The following PXN variants were observed in gnomAD, a reference collection of about 807,000 sequenced individuals.
PXN encodes paxillin.
A neutral mutation model predicts 103.6 loss-of-function variants in PXN; 61 were observed. That is an observed-to-expected ratio of 0.59 (90% confidence interval 0.48 to 0.73). PXN has a LOEUF of 0.73. Among genes scored for constraint, PXN ranks in the 30% least tolerant of loss-of-function variants. The probability of loss-of-function intolerance (pLI) is 0.00; values close to 1 mark genes in which losing one functional copy is unlikely to be tolerated. For missense variants in PXN, 1,274 were observed against 1,460.3 expected (o/e 0.87, Z 2.08); for synonymous variants, 562 against 607.8 (o/e 0.92, Z 1.11).
chr12:120,219,473 C>T lies in PXN; in HGVS notation c.1450G>A (p.Glu484Lys). 6.3e-7 allele frequency: 1 copy of T among 1,598,318 alleles called. No individual in the cohort carries two copies. Among genetic ancestry groups the T allele is most frequent in the South Asian group, 1.1e-5 (1 of 91,064 alleles). Residue 484 changes from glutamate (E) to lysine (K), a missense_variant, in exon 7 of 15, where the codon GAA (glutamate) becomes AAA (lysine). By Grantham distance (56) the Glu-to-Lys change is moderately conservative (BLOSUM62 1). This residue lies in a region of PXN where 1,178 missense variants were observed against 1,309.0 expected (regional missense o/e 0.90). Coordinates refer to ENST00000637617, the MANE Select transcript of PXN (RefSeq NM_001385981.1). The surrounding 1 kb of genome is among the most constrained non-coding windows in gnomAD (Gnocchi z 6.5). The stretch of plus-strand genomic sequence containing the variant: ...GGCCTCTCCTGCTGTAGGCCATGTT[C>T]CTCCGTGAGAGTCCAGGTATCTGGG... Reference protein sequence around the residue: ...IFPDTWTLTEEHGLQQERPRP... With the variant: ...IFPDTWTLTEKHGLQQERPRP...
intron 1 of PXN, among the ~76,000 whole-genome samples, chr12:120,249,460 C>T (rs1891789087): frequency 6.6e-6 from 1 of 152,268 alleles, no homozygotes; most frequent in African/African-American, 2.4e-5. Flanking sequence ...GAGCCCAAGC[C>T]AGTGGTGCCC....
rs778906052 is a variant in PXN at position 120,215,223 on chromosome 12, C to T, written c.2454G>A (p.Pro818=). ...TGSSSPPGGP[P]KPGSQLDSML... ...TGCTGTCCAGCTGGCTCCCGGGCTT[C>T]GGGGGCCCCCCAGGGGGTGAGCTGC... The change falls in exon 11 of 15, where the codon CCG becomes CCA. Residue 818 remains proline (P), a synonymous_variant. Transcript: ENST00000637617. The surrounding 1 kb of genome is among the most constrained non-coding windows in gnomAD (Gnocchi z 4.9). The T allele has an allele frequency of 1.6e-4, 259 of 1,593,508 alleles. No individual in the cohort carries two copies. The highest frequency in any genetic ancestry group is 2.1e-4 in the Non-Finnish European group (244 of 1,170,368).
chr12:120,257,064 G>A (rs1362817707), intron 1 of PXN, among the ~76,000 whole-genome samples: 2 of 152,048 alleles, frequency 1.3e-5, no homozygotes, highest in Non-Finnish European at 2.9e-5. Context: ...AGTCTCCAAG[G>A]CTCATTCAAA....
Position 120,224,936 on chromosome 12 carries a change from G to A in PXN, c.14-559C>T. Reference sequence around the variant, plus strand: ...CCTCCTGAGGCTCTAGGCTTATGGGGTAAGGTGTGCGGGGAGGTGGGGGCT... The same window carrying A: ...CCTCCTGAGGCTCTAGGCTTATGGGATAAGGTGTGCGGGGAGGTGGGGGCT... On this transcript the variant is annotated intron_variant, in intron 1 of 14. Coordinates refer to ENST00000637617, the MANE Select transcript of PXN (RefSeq NM_001385981.1). The surrounding 1 kb of genome is among the most constrained non-coding windows in gnomAD (Gnocchi z 5.0). 7 of 353,292 alleles carry A rather than the reference G, an allele frequency of 2.0e-5. 1 individual carries two copies. Among genetic ancestry groups the A allele is most frequent in the South Asian group, 1.5e-4 (7 of 47,798 alleles). 21.9% of individuals were successfully genotyped at this position (353,292 alleles called of 1,614,324 possible). A position where few individuals can be genotyped will look rare whatever the true frequency, so the allele number is the denominator to read the frequency against.
At chr12:120,235,389 A>G (rs1387451469) in intron 1 of PXN, among the ~76,000 whole-genome samples, 2 of 152,096 alleles carry the variant, frequency 1.3e-5, no homozygotes, top group Non-Finnish European at 2.9e-5. Flanking sequence ...CCAGCCTTGC[A>G]GCCCCATTTG....
At chr12:120,243,777 A>C (rs182045704) in intron 1 of PXN, among the ~76,000 whole-genome samples, 3 of 152,322 alleles carry the variant, frequency 2.0e-5, no homozygotes, top group Admixed American at 6.5e-5. Context: ...AAAGGGTTTG[A>C]GGCTCCATTC....
Position 120,214,317 on chromosome 12 carries a change from G to A in PXN, c.2749-100C>T. The A allele has an allele frequency of 2.9e-6, 3 of 1,051,798 alleles. No individual in the cohort carries two copies. Among genetic ancestry groups the A allele is most frequent in the Non-Finnish European group, 4.3e-6 (3 of 703,476 alleles). The allele number at this position is 1,051,798 out of a possible 1,614,324, so 65.2% of individuals were successfully genotyped here. On this transcript the variant is annotated intron_variant, in intron 12 of 14. Transcript: ENST00000637617. This position sits in a 1 kb window ranked among gnomAD's most constrained non-coding sequence, Gnocchi z 5.0. ...CTTCCACCCGCAGCTCATAGCCATA[G>A]ACAGAGCAAAACACTCCCAAGATGG...
rs766535594 is a variant in PXN, at chr12:120,219,349, G to T, written c.1574C>A (p.Pro525Gln). 1.1e-5 allele frequency: 18 copies of T among 1,598,418 alleles called. No individual in the cohort carries two copies. The highest frequency in any genetic ancestry group is 1.5e-5 in the Non-Finnish European group (18 of 1,179,798). Residue 525 changes from proline (P) to glutamine (Q), a missense_variant, in exon 7 of 15, where the codon CCA becomes CAA. This residue lies in a region of PXN where 1,178 missense variants were observed against 1,309.0 expected (regional missense o/e 0.90). Transcript: ENST00000637617. This position sits in a 1 kb window ranked among gnomAD's most constrained non-coding sequence, Gnocchi z 6.5. ...CCTTGGGGTTTCAGGTCCCTGGGTT[G>T]GCCTGGCCACACTTCCCCTCTCGGT... ...KMTERGSVAR[P>Q]TQGPETPRSP...
Position 120,265,671 on chromosome 12 carries a change from C to G in PXN, c.-42G>C, listed in dbSNP as rs757003879. 23 of 1,438,312 alleles carry G rather than the reference C, an allele frequency of 1.6e-5. 1 individual carries two copies. The South Asian group carries it at 3.1e-4, about 19-fold the overall frequency. 89.1% of individuals were successfully genotyped at this position (1,438,312 alleles called of 1,614,324 possible). On this transcript the variant is annotated 5_prime_UTR_variant, in exon 1 of 15. Coordinates refer to ENST00000637617, the MANE Select transcript of PXN (RefSeq NM_001385981.1). The surrounding 1 kb of genome is among the most constrained non-coding windows in gnomAD (Gnocchi z 5.7). ...CCGGCTCAGGGTCGCGCTAGCTGCC[C>G]GTCCCGGGGCCGCTCGTCTATGCCC...
rs1346829115 is a variant in PXN, at chr12:120,246,589, T to C, written c.13+19028A>G. ...ATTTAGCCAGGCCAGGCGCGGTGGCTCATGCCTGTAATCCCAGCCCTTTGG... is the reference window on the plus strand; with the variant it reads ...ATTTAGCCAGGCCAGGCGCGGTGGCCCATGCCTGTAATCCCAGCCCTTTGG... On this transcript the variant is annotated intron_variant, in intron 1 of 14. Coordinates refer to ENST00000637617, the MANE Select transcript of PXN (RefSeq NM_001385981.1). 6.0e-5 allele frequency among the ~76,000 whole-genome samples: 9 copies of C among 149,598 alleles called. No homozygotes were observed. The South Asian group carries it at 1.3e-3, about 21-fold the overall frequency.
At chr12:120,233,677 T>A (rs577546470) in intron 1 of PXN, among the ~76,000 whole-genome samples, 1 of 152,306 alleles carries the variant, frequency 6.6e-6, no homozygotes, top group African/African-American at 2.4e-5. Context: ...ACTCACCCAC[T>A]GTTGCCCTCT....
intron 1 of PXN, among the ~76,000 whole-genome samples, chr12:120,238,197 T>C (rs1889463657): frequency 6.6e-6 from 1 of 152,142 alleles, no homozygotes; most frequent in African/African-American, 2.4e-5. Context: ...CCTCTGGGCT[T>C]TCAGTCTGGC....
At position 120,217,584 on chromosome 12, in the gene PXN, C is replaced by T. The variant is rs1472746042; in HGVS notation, c.1717-468G>A. Among the ~76,000 whole-genome samples, 1 of 150,756 alleles carries T rather than the reference C, an allele frequency of 6.6e-6. No individual in the cohort carries two copies. The highest frequency in any genetic ancestry group is 1.5e-5 in the Non-Finnish European group (1 of 67,796). On this transcript the variant is annotated intron_variant, in intron 7 of 14. Transcript: ENST00000637617. The surrounding 1 kb of genome is among the most constrained non-coding windows in gnomAD (Gnocchi z 4.1). ...TAGAAAAAGTGTTTCCTTCCAGGAA[C>T]TTTTTTTTGGGGGGGGACAGAGTCT... is the stretch of plus-strand genomic sequence containing the variant.
rs750317201 is a variant in PXN, at chr12:120,220,364, G to A, written c.832-273C>T. ...GAGGGTATGAGAAAGAAAAGACCACGGTAAGGTGGACAAATGGGGAGCCAG... is the reference window on the plus strand; with the variant it reads ...GAGGGTATGAGAAAGAAAAGACCACAGTAAGGTGGACAAATGGGGAGCCAG... On this transcript the variant is annotated intron_variant, in intron 6 of 14. Transcript: ENST00000637617. This position sits in a 1 kb window ranked among gnomAD's most constrained non-coding sequence, Gnocchi z 6.1. Among the ~76,000 whole-genome samples, 9 of 152,108 alleles carry A rather than the reference G, an allele frequency of 5.9e-5. No individual in the cohort carries two copies. Among genetic ancestry groups the A allele is most frequent in the African/African-American group, 2.2e-4 (9 of 41,424 alleles).
chr12:120,254,616 T>C (rs1206289933), intron 1 of PXN, among the ~76,000 whole-genome samples: 2 of 151,644 alleles, frequency 1.3e-5, no homozygotes, highest in Non-Finnish European at 2.9e-5. Context: ...AATGGTGTGA[T>C]CTCGGCTCAC....
intron 1 of PXN, among the ~76,000 whole-genome samples, chr12:120,248,997 T>G (rs1337596805): frequency 6.6e-6 from 1 of 151,904 alleles, no homozygotes; most frequent in Admixed American, 6.6e-5. Context: ...CTTAGTCAGA[T>G]ATGGTGTTGG....
chr12:120,231,502 G>T (rs926837970), intron 1 of PXN, among the ~76,000 whole-genome samples: 1 of 152,164 alleles, frequency 6.6e-6, no homozygotes, highest in Non-Finnish European at 1.5e-5. Context: ...GTGTGGGCTG[G>T]GGGGTGACAC....
chr12:120,262,368 G>C (rs1018150680), intron 1 of PXN, among the ~76,000 whole-genome samples: 1 of 152,188 alleles, frequency 6.6e-6, no homozygotes, highest in African/African-American at 2.4e-5. Flanking sequence ...GGCCCCTAGG[G>C]CAGAGATTGT....
chr12:120,212,413 G>C lies in PXN; in HGVS notation c.3147C>G (p.Phe1049Leu). The C allele has an allele frequency of 6.2e-7, 1 of 1,614,006 alleles. No homozygotes were observed. Among genetic ancestry groups the C allele is most frequent in the South Asian group, 1.1e-5 (1 of 91,088 alleles). ...AMAKKFHPEH[F>L]VCAFCLKQLN... is the part of the protein sequence containing the mutation. The stretch of plus-strand genomic sequence containing the variant: ...GCTGCTTGAGGCAGAAGGCACAGAC[G>C]AAGTGCTCGGGGTGGAACTTCTTGG... Residue 1049 changes from phenylalanine to leucine, a missense_variant, in exon 15 of 15, where the codon TTC (phenylalanine) becomes TTG (leucine). Physicochemically the swap from Phe to Leu is conservative, Grantham distance 22. Around this residue, in one of 2 missense-constraint regions of PXN, gnomAD observed 96 missense variants for 151.3 expected, o/e 0.63. Coordinates refer to ENST00000637617, the MANE Select transcript of PXN (RefSeq NM_001385981.1). The surrounding 1 kb of genome is among the most constrained non-coding windows in gnomAD (Gnocchi z 7.2).
Sources: allele counts gnomAD v4.1 joint callset (sites outside exome capture counted in the v4.1 genomes callset), GRCh38; gene constraint gnomAD v4.1.1; regional missense constraint gnomAD v4.1.1; non-coding constraint Gnocchi (gnomAD v3.1); transcripts MANE v1.5; gene names NCBI Gene and HGNC (gene_info 2026-07-23, HGNC 2026-07-21).